Variants in SORCS1 observed in about 807,000 individuals in gnomAD.
SORCS1 encodes the protein sortilin related VPS10 domain containing receptor 1.
Under a neutral mutation model 146.1 loss-of-function variants are expected in SORCS1, and 60 were observed. The ratio of observed to expected loss-of-function variants is 0.41; its 90% CI spans 0.33 to 0.51. SORCS1 has a LOEUF of 0.51. Among genes scored for constraint, SORCS1 ranks in the 20% least tolerant of loss-of-function variants. SORCS1 has a pLI of 0.21. For missense variants in SORCS1, 1,352 were observed against 1,487.6 expected (o/e 0.91, Z 1.50); for synonymous variants, 637 against 584.0 (o/e 1.09, Z -1.31).
chr10:107,164,726 G>T (rs1235364211), upstream of SORCS1, among the ~76,000 whole-genome samples: 1 of 148,624 alleles, frequency 6.7e-6, no homozygotes, highest in Non-Finnish European at 1.5e-5. The surrounding 1 kb of genome is among the most constrained non-coding windows in gnomAD (Gnocchi z 6.8). Flanking sequence ...GGGTCCGGAC[G>T]GAGCGAGCCG....
At chr10:106,923,064 T>A (rs556584333) in intron 2 of SORCS1, among the ~76,000 whole-genome samples, 74 of 152,248 alleles carry the variant, frequency 4.9e-4, no homozygotes, top group African/African-American at 1.5e-3. Context: ...CTAATTTTTG[T>A]ACTTTTAGTA....
At chr10:106,864,508 T>G (rs903701158) in intron 2 of SORCS1, among the ~76,000 whole-genome samples, 22 of 152,080 alleles carry the variant, frequency 1.4e-4, no homozygotes, top group Non-Finnish European at 3.1e-4. Flanking sequence ...CCTTAGATAC[T>G]CGGGCTTTCT....
intron 2 of SORCS1, among the ~76,000 whole-genome samples, chr10:106,838,100 T>G (rs1948858359): frequency 6.6e-6 from 1 of 152,152 alleles, no homozygotes; most frequent in African/African-American, 2.4e-5. Context: ...GAGGCTTGCT[T>G]TTCTTGTGTT....
At chr10:107,044,539 G>GT (rs1369182455) in intron 1 of SORCS1, among the ~76,000 whole-genome samples, 1 of 72,846 alleles carries the variant, frequency 1.4e-5, no homozygotes, top group South Asian at 4.3e-4. Context: ...AAAAAAAAAA[G>GT]TTGGCAGGGC....
At chr10:107,020,180 C>T (rs533808299) in intron 1 of SORCS1, among the ~76,000 whole-genome samples, 192 of 152,298 alleles carry the variant, frequency 1.3e-3, no homozygotes, top group Non-Finnish European at 2.2e-3. Context: ...GGACTAATGT[C>T]TTTACCTTTT....
intron 2 of SORCS1, among the ~76,000 whole-genome samples, chr10:106,939,351 A>C (rs1173096644): frequency 6.6e-6 from 1 of 152,196 alleles, no homozygotes; most frequent in Non-Finnish European, 1.5e-5. Context: ...GGGAAGACAA[A>C]CTTGTGAAAT....
intron 2 of SORCS1, among the ~76,000 whole-genome samples, chr10:106,894,178 A>G (rs1301750920): frequency 6.6e-6 from 1 of 152,126 alleles, no homozygotes; most frequent in Non-Finnish European, 1.5e-5. Context: ...GATGTAACTT[A>G]ATGAACAGCA....
chr10:106,679,316 T>C lies in SORCS1; in HGVS notation c.1680A>G (p.Glu560=). 1.2e-6 allele frequency: 2 copies of C among 1,612,860 alleles called. No individual in the cohort carries two copies. Among genetic ancestry groups the C allele is most frequent in the Non-Finnish European group, 1.7e-6 (2 of 1,179,138 alleles). The change falls in exon 12 of 26, where the codon GAA becomes GAG. Residue 560 remains glutamate, a synonymous_variant. Coordinates refer to ENST00000263054, the MANE Select transcript of SORCS1 (RefSeq NM_052918.5). ...ACATGCTGATGTCAGTGTCTGACAATTCAGAACCTATATTACCTAGAAAGA... is the reference window on the plus strand; with the variant it reads ...ACATGCTGATGTCAGTGTCTGACAACTCAGAACCTATATTACCTAGAAAGA... ...IIVASGNIGS[E]LSDTDISMFV...
At chr10:107,044,377 T>A (rs1487789600) in intron 1 of SORCS1, among the ~76,000 whole-genome samples, 1 of 151,732 alleles carries the variant, frequency 6.6e-6, no homozygotes, top group East Asian at 1.9e-4. Flanking sequence ...CACACATGCT[T>A]TCCCCCACAA....
chr10:107,052,393 T>C (rs998869505), intron 1 of SORCS1, among the ~76,000 whole-genome samples: 44 of 152,248 alleles, frequency 2.9e-4, no homozygotes, highest in African/African-American at 1.0e-3. Flanking sequence ...AAAGTGGCCA[T>C]ATAAATTATC....
At chr10:106,798,982 C>A (rs891560902) in intron 3 of SORCS1, among the ~76,000 whole-genome samples, 1 of 152,164 alleles carries the variant, frequency 6.6e-6, no homozygotes, top group Non-Finnish European at 1.5e-5. Context: ...TCAAACTATA[C>A]TACAAAGCTA....
Position 106,670,938 on chromosome 10 carries a change from C to T in SORCS1, c.2189+299G>A, listed in dbSNP as rs1027444031. 2.9e-4 allele frequency among the ~76,000 whole-genome samples: 44 copies of T among 152,124 alleles called. 1 individual carries two copies. Among genetic ancestry groups the T allele is most frequent in the Non-Finnish European group, 1.9e-4 (13 of 67,992 alleles). ...CAAACTCCTGACCTCAAGTGATCTGCCCCACTCAGCCTCCCAAAGTGCTGG... is the reference window on the plus strand; with the variant it reads ...CAAACTCCTGACCTCAAGTGATCTGTCCCACTCAGCCTCCCAAAGTGCTGG... On this transcript the variant is annotated intron_variant, in intron 16 of 25. Coordinates refer to ENST00000263054, the MANE Select transcript of SORCS1 (RefSeq NM_052918.5).
intron 17 of SORCS1, among the ~76,000 whole-genome samples, chr10:106,665,164 TA>T: frequency 6.6e-6 from 1 of 152,318 alleles, no homozygotes; most frequent in South Asian, 2.1e-4. Flanking sequence ...TTGAAAAGAA[TA>T]GTATCTATTA....
chr10:106,647,181 C>T (rs1258100527), intron 18 of SORCS1, among the ~76,000 whole-genome samples: 1 of 151,464 alleles, frequency 6.6e-6, no homozygotes, highest in Non-Finnish European at 1.5e-5. Context: ...ATTCAGATTG[C>T]TTTTAATTCA....
upstream of SORCS1, among the ~76,000 whole-genome samples, chr10:107,165,575 A>G (rs886801172): frequency 6.6e-6 from 1 of 152,184 alleles, no homozygotes; most frequent in African/African-American, 2.4e-5. The surrounding 1 kb of genome is among the most constrained non-coding windows in gnomAD (Gnocchi z 4.0). Context: ...TTTCCTCAGT[A>G]CGTGGCACAG....
At chr10:106,843,289 T>A (rs1949134518) in intron 2 of SORCS1, among the ~76,000 whole-genome samples, 1 of 152,152 alleles carries the variant, frequency 6.6e-6, no homozygotes, top group African/African-American at 2.4e-5. Flanking sequence ...CACTCTACTC[T>A]CTGTTACTAT....
intron 1 of SORCS1, among the ~76,000 whole-genome samples, chr10:107,064,979 C>T (rs989844602): frequency 1.3e-5 from 2 of 152,044 alleles, no homozygotes; most frequent in African/African-American, 2.4e-5. Flanking sequence ...AAGGCAACTC[C>T]GGCCCCCAAG....
At chr10:106,736,031 C>T (rs1409921947) in intron 5 of SORCS1, among the ~76,000 whole-genome samples, 2 of 152,092 alleles carry the variant, frequency 1.3e-5, no homozygotes, top group African/African-American at 4.8e-5. Context: ...TCACTAAAGA[C>T]AAGAATATGA....
intron 1 of SORCS1, among the ~76,000 whole-genome samples, chr10:107,070,575 A>G (rs1379349325): frequency 2.0e-5 from 3 of 152,232 alleles, no homozygotes; most frequent in African/African-American, 4.8e-5. Context: ...ACAAAATCAG[A>G]GTTCCAAGAA....
Sources: gnomAD v4.1 joint callset for allele counts (sites outside exome capture counted in the v4.1 genomes callset) on GRCh38, gnomAD v4.1.1 for gene constraint, Gnocchi (gnomAD v3.1) non-coding constraint, MANE v1.5 for transcripts, NCBI Gene and HGNC (gene_info 2026-07-23, HGNC 2026-07-21) for gene names.